Variants in LRRC7 observed in about 807,000 individuals in gnomAD.
LRRC7 encodes the protein leucine-rich repeat-containing protein 7.
Under a neutral mutation model 175.7 loss-of-function variants are expected in LRRC7, and 23 were observed. The ratio of observed to expected loss-of-function variants is 0.13; its 90% CI spans 0.09 to 0.19. The LOEUF is 0.19. Ranked by LOEUF, LRRC7 falls within the 10% of genes least tolerant of loss-of-function variation. The pLI is 1.00. For missense variants in LRRC7, 1,354 were observed against 1,904.7 expected (o/e 0.71, Z 5.38); for synonymous variants, 685 against 680.9 (o/e 1.01, Z -0.09).
rs552235888 is a variant in LRRC7 at position 69,896,688 on chromosome 1, T to C, written c.648-34819T>C. ...TCTCTGTCCTTCCTATACCATTGCC[T>C]TTATAGCCTGCACTATAATTATTTT... is the stretch of plus-strand genomic sequence containing the variant. On this transcript the variant is annotated intron_variant, in intron 7 of 26. Coordinates refer to ENST00000651989, the MANE Select transcript of LRRC7 (RefSeq NM_001370785.2). 2.0e-5 allele frequency among the ~76,000 whole-genome samples: 3 copies of C among 152,282 alleles called. No individual in the cohort carries two copies. The South Asian group carries it at 6.2e-4, about 32-fold the overall frequency.
chr1:69,785,389 G>C (rs1164212746), intron 3 of LRRC7, among the ~76,000 whole-genome samples: 1 of 151,874 alleles, frequency 6.6e-6, no homozygotes, highest in Non-Finnish European at 1.5e-5. Context: ...ATCAAGTTTT[G>C]GGTGCACCAC....
chr1:69,929,654 A>G (rs571697679), intron 7 of LRRC7, among the ~76,000 whole-genome samples: 2 of 152,236 alleles, frequency 1.3e-5, no homozygotes, highest in South Asian at 4.2e-4. Flanking sequence ...CTCTTATTTG[A>G]CTTATTACAT....
intron 7 of LRRC7, among the ~76,000 whole-genome samples, chr1:69,856,080 A>G (rs1183814060): frequency 6.6e-6 from 1 of 152,020 alleles, no homozygotes; most frequent in Non-Finnish European, 1.5e-5. Flanking sequence ...TCTTTATCCA[A>G]TTTGCCAGTC....
rs889049169 is a variant in LRRC7 at position 70,038,794 on chromosome 1, G to A, written c.2970G>A (p.Glu990=). ...NKFKKSQSID[E]IDIGTYKVYN... ...TCAAAAAGTCACAGAGTATCGATGA[G>A]ATTGACATTGGTACATATAAGGTGT... The change falls in exon 21 of 27, where the codon GAG becomes GAA. Residue 990 remains glutamate, a synonymous_variant. Coordinates refer to ENST00000651989, the MANE Select transcript of LRRC7 (RefSeq NM_001370785.2). 4 of 1,613,896 alleles carry A rather than the reference G, an allele frequency of 2.5e-6. No individual in the cohort carries two copies.
rs555313633 is a variant in LRRC7 at position 70,141,449 on chromosome 1, A to G, written c.*19562A>G. ...TTCCATTGTGGCTTGGCACTAAATT[A>G]TAGGCCTAGCAATCCTAAATCTCCT... On this transcript the variant is annotated 3_prime_UTR_variant, in exon 27 of 27. Transcript: ENST00000651989. 6.6e-6 allele frequency: 1 copy of G among 152,254 alleles called. No individual in the cohort carries two copies. The highest frequency in any genetic ancestry group is 1.9e-4 in the East Asian group (1 of 5,186). The allele number at this position is 152,254 out of a possible 1,614,324, so 9.4% of individuals were successfully genotyped here. A position where few individuals can be genotyped will look rare whatever the true frequency, so the allele number is the denominator to read the frequency against.
At chr1:69,750,093 T>TAAATAATAAATA (rs139997047) in intron 2 of LRRC7, among the ~76,000 whole-genome samples, 2 of 142,202 alleles carry the variant, frequency 1.4e-5, no homozygotes, top group African/African-American at 2.6e-5. Context: ...AATAAATAAA[T>TAAATAATAAATA]AATAATAACT....
At chr1:69,783,735 G>A (rs1308909090) in intron 3 of LRRC7, among the ~76,000 whole-genome samples, 2 of 122,092 alleles carry the variant, frequency 1.6e-5, no homozygotes, top group African/African-American at 6.3e-5. Context: ...CTGGACGACA[G>A]AGCTAGACTC....
intron 2 of LRRC7, among the ~76,000 whole-genome samples, chr1:69,687,990 A>T (rs182370325): frequency 1.3e-5 from 2 of 152,292 alleles, no homozygotes; most frequent in East Asian, 3.9e-4. Context: ...GCTTCCCTCC[A>T]TATCAAGTTG....
chr1:69,756,012 G>C (rs1670382818), intron 2 of LRRC7, among the ~76,000 whole-genome samples: 1 of 151,734 alleles, frequency 6.6e-6, no homozygotes, highest in Admixed American at 6.6e-5. Flanking sequence ...ATAACACAGG[G>C]ACCAAGGGGA....
rs867302640 is a variant in LRRC7 at position 70,018,912 on chromosome 1, A to G, written c.1420+94A>G. The stretch of plus-strand genomic sequence containing the variant: ...GATCTCTGGCCAGGAGTACTGGCAC[A>G]TGGACAAGCTTATAAAGATAATTAC... On this transcript the variant is annotated intron_variant, in intron 15 of 26. Coordinates refer to ENST00000651989, the MANE Select transcript of LRRC7 (RefSeq NM_001370785.2). 1.7e-5 allele frequency: 14 copies of G among 842,570 alleles called. No individual in the cohort carries two copies. In the African/African-American group the frequency reaches 1.9e-4, roughly 11 times the overall value. 52.2% of individuals were successfully genotyped at this position (842,570 alleles called of 1,614,324 possible).
At chr1:70,031,286 A>T (rs1173475131) in intron 18 of LRRC7, 1 of 152,222 alleles carries the variant, frequency 6.6e-6, no homozygotes, top group Non-Finnish European at 1.5e-5. Context: ...ATAGTCCAGT[A>T]TAATGACTCT....
chr1:69,641,472 ATAAAT>A (rs1366347978), intron 1 of LRRC7, among the ~76,000 whole-genome samples: 3 of 151,754 alleles, frequency 2.0e-5, no homozygotes, highest in South Asian at 2.1e-4. Context: ...GCTTTAAGAA[ATAAAT>A]TAATCAGCAT....
In LRRC7 at chr1:70,138,293, A is replaced by C. The variant is rs1666944198; in HGVS notation, c.*16406A>C. On this transcript the variant is annotated 3_prime_UTR_variant, in exon 27 of 27. Transcript: ENST00000651989. ...GAGATCCAGGTTGAAAGGTATTGAA[A>C]AAAAAGCTCTGTATCTTTGTATATT... The C allele has an allele frequency of 6.6e-6, 1 of 152,234 alleles. No homozygotes were observed. The highest frequency in any genetic ancestry group is 1.5e-5 in the Non-Finnish European group (1 of 68,044). 9.4% of individuals were successfully genotyped at this position (152,234 alleles called of 1,614,324 possible). A position where few individuals can be genotyped will look rare whatever the true frequency, so the allele number is the denominator to read the frequency against.
At chr1:70,055,450 T>A (rs55903530) in intron 23 of LRRC7, among the ~76,000 whole-genome samples, 19,547 of 152,152 alleles carry the variant, frequency 0.13, 1,732 homozygotes, top group African/African-American at 0.24. Context: ...GTAATTCAGG[T>A]GAAAGTCAAT....
chr1:69,849,064 C>T (rs1394821165), intron 7 of LRRC7, among the ~76,000 whole-genome samples: 2 of 151,968 alleles, frequency 1.3e-5, no homozygotes, highest in African/African-American at 2.4e-5. Context: ...TAGCCTTTTC[C>T]CATAACTTTA....
rs890651712 is a variant in LRRC7, at chr1:70,122,519, T to C, written c.*632T>C. 6.6e-6 allele frequency: 1 copy of C among 152,090 alleles called. No individual in the cohort carries two copies. The highest frequency in any genetic ancestry group is 2.4e-5 in the African/African-American group (1 of 41,450). The allele number at this position is 152,090 out of a possible 1,614,324, so 9.4% of individuals were successfully genotyped here. On this transcript the variant is annotated 3_prime_UTR_variant, in exon 27 of 27. Coordinates refer to ENST00000651989, the MANE Select transcript of LRRC7 (RefSeq NM_001370785.2). ...TATAAAGTGTTTATATTTGGTTCCA[T>C]ATTCATTTGCTAAATTCTCATGACA...
At chr1:69,717,829 AG>A (rs1270862483) in intron 2 of LRRC7, among the ~76,000 whole-genome samples, 701 of 60,198 alleles carry the variant, frequency 0.012, 15 homozygotes, top group East Asian at 0.017. Flanking sequence ...AAAGAAAGAA[AG>A]AAAGAAAGAA....
chr1:69,704,628 T>C (rs750447072), intron 2 of LRRC7, among the ~76,000 whole-genome samples: 1 of 151,988 alleles, frequency 6.6e-6, no homozygotes, highest in Non-Finnish European at 1.5e-5. Context: ...TATTATTCTG[T>C]TTATAAATAT....
chr1:69,806,030 C>G (rs1188259494), intron 4 of LRRC7, among the ~76,000 whole-genome samples: 1 of 151,744 alleles, frequency 6.6e-6, no homozygotes, highest in Non-Finnish European at 1.5e-5. Flanking sequence ...ATTAAAAGAG[C>G]AAACTTAAAT....
Sources: gnomAD v4.1 joint callset for allele counts (sites outside exome capture counted in the v4.1 genomes callset) on GRCh38, gnomAD v4.1.1 for gene constraint, MANE v1.5 for transcripts, NCBI Gene and HGNC (gene_info 2026-07-23, HGNC 2026-07-21) for gene names.